Variants in LANCL2 observed in about 807,000 individuals in gnomAD.
The protein encoded by LANCL2 is lanC-like protein 2.
LANCL2 carries 33 observed loss-of-function variants against 56.9 expected under a neutral mutation model. The observed-to-expected ratio is 0.58, with a 90% CI of 0.44 to 0.78. LANCL2 has a LOEUF of 0.78. Ranked by LOEUF, LANCL2 falls within the 30% of genes least tolerant of loss-of-function variation. LANCL2 has a pLI of 0.00. For synonymous variants in LANCL2, 233 were observed against 228.2 expected, an observed-to-expected ratio of 1.02 and a Z score of -0.19; for missense variants, 562 against 580.2, an observed-to-expected ratio of 0.97 and a Z score of 0.32.
At chr7:55,390,464 G>T (rs1473885453) in intron 1 of LANCL2, among the ~76,000 whole-genome samples, 1 of 152,140 alleles carries the variant, frequency 6.6e-6, no homozygotes, top group Non-Finnish European at 1.5e-5. Flanking sequence ...AAATTAGTCG[G>T]GTGTGGTGGC....
intron 5 of LANCL2, among the ~76,000 whole-genome samples, chr7:55,405,906 CA>C (rs67546641): frequency 0.89 from 134,739 of 151,738 alleles, 60,138 homozygotes; most frequent in African/African-American, 0.95. Context: ...GTAGAGCCAG[CA>C]TGGGGAGCTG....
At chr7:55,398,696 T>C (rs1490937271) in intron 3 of LANCL2, 66 bp downstream of exon 3, 3 of 1,212,178 alleles carry the variant, frequency 2.5e-6, no homozygotes, top group Admixed American at 3.7e-5. Context: ...TAGAAAGATA[T>C]TCAGAAAGGA....
At chr7:55,389,774 TTTTTATA>T (rs1790164541) in intron 1 of LANCL2, among the ~76,000 whole-genome samples, 1 of 152,230 alleles carries the variant, frequency 6.6e-6, no homozygotes, top group African/African-American at 2.4e-5. Flanking sequence ...TGTCTGTGCT[TTTTTATA>T]AAAGGGGAAA....
chr7:55,368,428 C>A (rs1394715351), intron 1 of LANCL2, among the ~76,000 whole-genome samples: 1 of 152,016 alleles, frequency 6.6e-6, no homozygotes, highest in Non-Finnish European at 1.5e-5. Flanking sequence ...TCATATTATT[C>A]TTGAATATGA....
intron 8 of LANCL2, among the ~76,000 whole-genome samples, chr7:55,429,278 A>C (rs1466757115): frequency 1.3e-5 from 2 of 152,198 alleles, no homozygotes; most frequent in East Asian, 1.9e-4. Context: ...TGTTTGGTAG[A>C]ATTCTCCAGT....
intron 2 of LANCL2, among the ~76,000 whole-genome samples, chr7:55,397,676 T>TTTTA (rs1790270985): frequency 6.7e-6 from 1 of 149,582 alleles, no homozygotes; most frequent in African/African-American, 2.5e-5. Flanking sequence ...TTTTTTTTTT[T>TTTTA]TACTTAGCTG....
At chr7:55,399,344 CTTT>C (rs201305522) in intron 3 of LANCL2, among the ~76,000 whole-genome samples, 2 of 138,720 alleles carry the variant, frequency 1.4e-5, no homozygotes, top group Non-Finnish European at 1.5e-5. Context: ...CATTGCAGTC[CTTT>C]TTTTTTTTTT....
intron 2 of LANCL2, among the ~76,000 whole-genome samples, chr7:55,393,801 C>A (rs538705371): frequency 6.6e-6 from 1 of 152,164 alleles, no homozygotes; most frequent in East Asian, 1.9e-4. Context: ...TAAACCCAGA[C>A]AGACATGGAG....
At chr7:55,397,460 C>CAAAAAA (rs35547837) in intron 2 of LANCL2, among the ~76,000 whole-genome samples, 1 of 90,356 alleles carries the variant, frequency 1.1e-5, no homozygotes, top group African/African-American at 5.0e-5. Flanking sequence ...GACTCTGTCT[C>CAAAAAA]AAAAAAAAAA....
In LANCL2 at chr7:55,391,633, C is replaced by T. The variant is rs369604559; in HGVS notation, c.205-160C>T. Among the ~76,000 whole-genome samples the T allele has an allele frequency of 1.9e-3, 286 of 151,830 alleles. 15 individuals are homozygous for T. In the South Asian group the frequency reaches 0.053, roughly 28 times the overall value. On this transcript the variant is annotated intron_variant, in intron 1 of 8. Transcript: ENST00000254770. ...GTATTATCTCATTAAAAAAAGTAAC[C>T]TTATAAAAACCAAGATAGACTCCAA...
chr7:55,411,196 C>G (rs1790466531), intron 5 of LANCL2, among the ~76,000 whole-genome samples: 1 of 152,160 alleles, frequency 6.6e-6, no homozygotes, highest in African/African-American at 2.4e-5. Context: ...TGTACAGTAA[C>G]TTGAGACTCT....
chr7:55,402,653 AC>A (rs1287641618), intron 5 of LANCL2, among the ~76,000 whole-genome samples: 3 of 94,004 alleles, frequency 3.2e-5, no homozygotes, highest in African/African-American at 1.3e-4. Context: ...CGGGGGGCTA[AC>A]CCCCCCACCT....
chr7:55,395,795 G>A (rs1017444237), intron 2 of LANCL2, among the ~76,000 whole-genome samples: 5 of 152,204 alleles, frequency 3.3e-5, no homozygotes, highest in Non-Finnish European at 5.9e-5. Context: ...AAAAACTGGC[G>A]AAACAGGTGG....
At position 55,402,692 on chromosome 7, in the gene LANCL2, C is replaced by CG. The variant is rs1207312038; in HGVS notation, c.825+1378dup. On this transcript the variant is annotated intron_variant, in intron 5 of 8. Coordinates refer to ENST00000254770, the MANE Select transcript of LANCL2 (RefSeq NM_018697.4). ...CTTCCGGACGGGGCGGCTGGCCGGG[C>CG]GGGGGGCTGACCCCCACCTCCCTCC... Among the ~76,000 whole-genome samples the CG allele has an allele frequency of 2.2e-3, 249 of 113,010 alleles. 36 individuals are homozygous for CG. The highest frequency in any genetic ancestry group is 7.9e-3 in the African/African-American group (230 of 29,286). The allele number at this position is 113,010 out of a possible 152,430, so 74.1% of individuals were successfully genotyped here.
chr7:55,377,998 A>G (rs1354994736), intron 1 of LANCL2, among the ~76,000 whole-genome samples: 1 of 152,248 alleles, frequency 6.6e-6, no homozygotes, highest in Non-Finnish European at 1.5e-5. Flanking sequence ...TTAGAAGTAG[A>G]CAGTCTAGTC....
chr7:55,367,746 C>T (rs1789891876), intron 1 of LANCL2, among the ~76,000 whole-genome samples: 1 of 152,126 alleles, frequency 6.6e-6, no homozygotes, highest in South Asian at 2.1e-4. Context: ...GCAAGCAAAC[C>T]TGTGGGAACA....
At chr7:55,411,646 C>T (rs148375292) in intron 5 of LANCL2, among the ~76,000 whole-genome samples, 1 of 152,300 alleles carries the variant, frequency 6.6e-6, no homozygotes, top group East Asian at 1.9e-4. Context: ...GTTCACTTGC[C>T]ATTTAATCAT....
At chr7:55,376,998 A>T (rs1562856822) in intron 1 of LANCL2, among the ~76,000 whole-genome samples, 1 of 152,226 alleles carries the variant, frequency 6.6e-6, no homozygotes, top group Non-Finnish European at 1.5e-5. Context: ...TTTATCATAT[A>T]TGAAGTTGTT....
intron 8 of LANCL2, among the ~76,000 whole-genome samples, chr7:55,430,007 T>C (rs1420174562): frequency 6.6e-6 from 1 of 152,242 alleles, no homozygotes; most frequent in Non-Finnish European, 1.5e-5. Flanking sequence ...GCACCCCTTC[T>C]GGAGGAGCTC....
Sources: allele counts gnomAD v4.1 joint callset (sites outside exome capture counted in the v4.1 genomes callset), GRCh38; gene constraint gnomAD v4.1.1; transcripts MANE v1.5; gene names NCBI Gene and HGNC (gene_info 2026-07-23, HGNC 2026-07-21).